Variants in CSRP3 observed in about 807,000 individuals in gnomAD.
CSRP3 encodes the protein cysteine and glycine-rich protein 3.
In CSRP3, 24 loss-of-function variants were observed where a neutral mutation model predicts 24.3. The observed-to-expected ratio is 0.99, with a 90% confidence interval of 0.71 to 1.39. The LOEUF (loss-of-function observed/expected upper bound fraction) is 1.39, where lower values mean the gene tolerates loss of function less well. Among genes scored for constraint, CSRP3 ranks in the 40% most tolerant of loss-of-function variants. CSRP3 has a pLI of 0.00. For synonymous variants in CSRP3, 105 were observed against 94.0 expected, an observed-to-expected ratio of 1.12 and a Z score of -0.68; for missense variants, 240 against 249.0, an observed-to-expected ratio of 0.96 and a Z score of 0.24.
chr11:19,190,294 GA>G (rs1367749615), intron 2 of CSRP3, among the ~76,000 whole-genome samples: 8 of 152,212 alleles, frequency 5.3e-5, no homozygotes, highest in Non-Finnish European at 2.9e-5. Flanking sequence ...GAGCTTTTGT[GA>G]ACAGACAAAG....
intron 1 of CSRP3, among the ~76,000 whole-genome samples, chr11:19,195,909 G>A (rs1330522180): frequency 1.3e-5 from 2 of 152,166 alleles, no homozygotes; most frequent in African/African-American, 2.4e-5. Context: ...CTGAAGATGG[G>A]AATGTAACCA....
chr11:19,197,768 G>T (rs1459879842), intron 1 of CSRP3, among the ~76,000 whole-genome samples: 3 of 151,446 alleles, frequency 2.0e-5, no homozygotes, highest in African/African-American at 7.3e-5. Flanking sequence ...CTGATTTCCT[G>T]CAGTGAGTTC....
chr11:19,188,845 G>A (rs112235596), intron 2 of CSRP3, among the ~76,000 whole-genome samples: 3 of 152,016 alleles, frequency 2.0e-5, no homozygotes, highest in African/African-American at 4.8e-5. Flanking sequence ...GGTGGGGAAG[G>A]GGGTAGACCT....
chr11:19,196,285 A>G (rs1590107850), intron 1 of CSRP3, among the ~76,000 whole-genome samples: 1 of 152,274 alleles, frequency 6.6e-6, no homozygotes, highest in East Asian at 1.9e-4. Flanking sequence ...ATAAATAAAT[A>G]AAAAGGCATT....
In CSRP3 at chr11:19,184,970, C is replaced by T. The variant is rs2133506813; in HGVS notation, c.490G>A (p.Gly164Arg). The part of the protein sequence containing the change: ...LESTNVTDKD[G>R]ELYCKVCYAK... ...CACTCACCTTTGCAATAAAGTTCCC[C>T]ATCTTTGTCAGTGACATTTGTGGAC... Residue 164 changes from glycine to arginine, a missense_variant, in exon 5 of 6, where the codon GGG (glycine) becomes AGG (arginine). By Grantham distance (125) the Gly-to-Arg change is moderately radical. Transcript: ENST00000265968. The T allele has an allele frequency of 6.2e-7, 1 of 1,613,522 alleles. No individual in the cohort carries two copies. Among genetic ancestry groups the T allele is most frequent in the South Asian group, 1.1e-5 (1 of 91,082 alleles).
At chr11:19,187,544 G>A (rs1411369887) in intron 3 of CSRP3, among the ~76,000 whole-genome samples, 2 of 152,242 alleles carry the variant, frequency 1.3e-5, no homozygotes, top group Non-Finnish European at 2.9e-5. Context: ...CAGACTGGTG[G>A]ATGGAGGTGG....
intron 1 of CSRP3, among the ~76,000 whole-genome samples, chr11:19,197,561 T>C (rs1400509433): frequency 2.2e-5 from 3 of 138,950 alleles, no homozygotes; most frequent in Non-Finnish European, 4.6e-5. Flanking sequence ...CTTTCTTTCT[T>C]TCTTTCTTTC....
chr11:19,190,499 A>G (rs938308624), intron 2 of CSRP3, among the ~76,000 whole-genome samples: 7 of 152,256 alleles, frequency 4.6e-5, no homozygotes, highest in African/African-American at 7.2e-5. Flanking sequence ...TTTTAAGATT[A>G]ATTTCATCTG....
intron 1 of CSRP3, among the ~76,000 whole-genome samples, chr11:19,199,520 A>G (rs761303718): frequency 3.7e-4 from 57 of 152,164 alleles, no homozygotes; most frequent in Non-Finnish European, 8.8e-5. Flanking sequence ...TTTGACCTCT[A>G]CAATTTATTT....
chr11:19,191,239 ATTCT>A (rs1435472657), intron 2 of CSRP3, among the ~76,000 whole-genome samples: 1 of 152,188 alleles, frequency 6.6e-6, no homozygotes, highest in Non-Finnish European at 1.5e-5. Context: ...TAATTCTAGA[ATTCT>A]TTCTAATATT....
chr11:19,195,518 T>C (rs1443209005), intron 1 of CSRP3, among the ~76,000 whole-genome samples: 5 of 152,206 alleles, frequency 3.3e-5, no homozygotes, highest in Non-Finnish European at 4.4e-5. Flanking sequence ...ATAATAAATT[T>C]CCTCCAGGAA....
chr11:19,197,519 CTTTCT>C (rs1850752383), intron 1 of CSRP3, among the ~76,000 whole-genome samples: 1 of 119,486 alleles, frequency 8.4e-6, no homozygotes, highest in African/African-American at 3.4e-5. Flanking sequence ...TTCTTTCTTT[CTTTCT>C]TTCTTTCTTT....
intron 1 of CSRP3, among the ~76,000 whole-genome samples, chr11:19,192,857 G>C (rs1482324016): frequency 6.6e-6 from 1 of 151,820 alleles, no homozygotes; most frequent in Non-Finnish European, 1.5e-5. Flanking sequence ...GGAATCATCT[G>C]TGAAGATGGT....
chr11:19,185,186 G>C, intron 4 of CSRP3, 141 bp from the exon 5 acceptor site: 1 of 721,372 alleles, frequency 1.4e-6, no homozygotes, highest in African/African-American at 1.7e-5. Context: ...ATTTCTCCAG[G>C]GGTTTGGAGA....
At chr11:19,183,083 G>A (rs996884361) in intron 5 of CSRP3, among the ~76,000 whole-genome samples, 7 of 152,044 alleles carry the variant, frequency 4.6e-5, no homozygotes, top group East Asian at 1.9e-4. Context: ...GCTTGAGCCC[G>A]GGAGGCTGAA....
intron 2 of CSRP3, among the ~76,000 whole-genome samples, chr11:19,191,482 G>A (rs1249251954): frequency 6.6e-6 from 1 of 152,098 alleles, no homozygotes; most frequent in Non-Finnish European, 1.5e-5. Context: ...GAAGATAAGT[G>A]GCCATTTTAA....
At position 19,182,702 on chromosome 11, in the gene CSRP3, C is replaced by T; in HGVS notation, c.553G>A (p.Gly185Ser). ...NFGPTGIGFG[G>S]LTQQVEKKE ...TTCTTTTCCACTTGTTGTGTAAGGC[C>T]TCCAAACCCAATACCCGTGGGGCCA... Residue 185 changes from glycine to serine, a missense_variant, in exon 6 of 6, where the codon GGC (glycine) becomes AGC (serine). Physicochemically the swap from Gly to Ser is moderately conservative, Grantham distance 56. Coordinates refer to ENST00000265968, the MANE Select transcript of CSRP3 (RefSeq NM_003476.5). 6.2e-7 allele frequency: 1 copy of T among 1,614,152 alleles called. No homozygotes were observed. The highest frequency in any genetic ancestry group is 8.5e-7 in the Non-Finnish European group (1 of 1,180,040).
intron 3 of CSRP3, among the ~76,000 whole-genome samples, chr11:19,187,838 T>A (rs1301676847): frequency 6.6e-6 from 1 of 152,238 alleles, no homozygotes; most frequent in Non-Finnish European, 1.5e-5. Flanking sequence ...GGAGACTCCA[T>A]GCAGTTTTGC....
intron 3 of CSRP3, among the ~76,000 whole-genome samples, chr11:19,187,587 G>A (rs1310679047): frequency 1.3e-5 from 2 of 152,216 alleles, no homozygotes; most frequent in Non-Finnish European, 2.9e-5. Context: ...CTAGGATAAT[G>A]TGGCGGGAAC....
Sources: allele counts gnomAD v4.1 joint callset (sites outside exome capture counted in the v4.1 genomes callset), GRCh38; gene constraint gnomAD v4.1.1; transcripts MANE v1.5; gene names NCBI Gene and HGNC (gene_info 2026-07-23, HGNC 2026-07-21).